The following ZBTB20 variants were observed in gnomAD, a reference collection of about 807,000 sequenced individuals.
ZBTB20 encodes the protein zinc finger and BTB domain-containing protein 20.
Under a neutral mutation model 56.9 loss-of-function variants are expected in ZBTB20, and 9 were observed. That is an observed-to-expected ratio of 0.16 (90% confidence interval 0.10 to 0.28). The LOEUF is 0.28. Ranked by LOEUF, ZBTB20 falls within the 10% of genes least tolerant of loss-of-function variation. The pLI is 1.00. For synonymous variants in ZBTB20, 417 were observed against 420.7 expected, an observed-to-expected ratio of 0.99 and a Z score of 0.11; for missense variants, 655 against 1,003.0, an observed-to-expected ratio of 0.65 and a Z score of 4.69.
At chr3:114,954,167 T>C (rs1281130159) in intron 3 of ZBTB20, among the ~76,000 whole-genome samples, 1 of 152,178 alleles carries the variant, frequency 6.6e-6, no homozygotes, top group African/African-American at 2.4e-5. Flanking sequence ...CCAAATAGTT[T>C]TGACTTCAGT....
chr3:114,370,806 G>C (rs7626635), intron 10 of ZBTB20, among the ~76,000 whole-genome samples: 56,564 of 151,934 alleles, frequency 0.37, 10,935 homozygotes, highest in Non-Finnish European at 0.42. Context: ...GCTCATACTC[G>C]GCACTATATA....
intron 7 of ZBTB20, among the ~76,000 whole-genome samples, chr3:114,485,237 C>T (rs375813853): frequency 6.6e-5 from 10 of 152,162 alleles, no homozygotes; most frequent in Non-Finnish European, 1.2e-4. Flanking sequence ...AATACTTTTG[C>T]GAAGAAATGA....
chr3:114,849,936 G>T (rs1420959742), intron 4 of ZBTB20, among the ~76,000 whole-genome samples: 1 of 120,636 alleles, frequency 8.3e-6, no homozygotes, highest in African/African-American at 3.2e-5. Flanking sequence ...GTCTTGCTCT[G>T]CTGCCCAGGT....
intron 5 of ZBTB20, among the ~76,000 whole-genome samples, chr3:114,797,567 A>G (rs554888046): frequency 1.3e-5 from 2 of 152,066 alleles, no homozygotes; most frequent in South Asian, 2.1e-4. Flanking sequence ...ATAAATTATG[A>G]ATTCCTTAAT....
At position 114,399,696 on chromosome 3, in the gene ZBTB20, T is replaced by A. The variant is rs371410059; in HGVS notation, c.-254-10591A>T. Among the ~76,000 whole-genome samples the A allele has an allele frequency of 3.3e-5, 5 of 152,268 alleles. No homozygotes were observed. The East Asian group carries it at 7.7e-4, about 24-fold the overall frequency. Reference sequence around the variant, plus strand: ...GTGTAACAGGCCACCGGGGCAAGACTGCTATTTTCTGAGAGCCATGGGCAG... The same window carrying A: ...GTGTAACAGGCCACCGGGGCAAGACAGCTATTTTCTGAGAGCCATGGGCAG... On this transcript the variant is annotated intron_variant, in intron 7 of 11. Coordinates refer to ENST00000675478, the MANE Select transcript of ZBTB20 (RefSeq NM_001348800.3).
At chr3:114,441,080 G>T (rs2090890048) in intron 7 of ZBTB20, among the ~76,000 whole-genome samples, 1 of 151,972 alleles carries the variant, frequency 6.6e-6, no homozygotes, top group Non-Finnish European at 1.5e-5. Flanking sequence ...TCGATTATTT[G>T]TGTGACTAAA....
intron 3 of ZBTB20, among the ~76,000 whole-genome samples, chr3:114,925,354 C>T (rs899252036): frequency 1.3e-5 from 2 of 151,986 alleles, no homozygotes; most frequent in African/African-American, 4.8e-5. Flanking sequence ...AACCATATTC[C>T]CTTTCATCTC....
At chr3:114,636,375 T>C (rs1481772524) in intron 6 of ZBTB20, among the ~76,000 whole-genome samples, 1 of 152,104 alleles carries the variant, frequency 6.6e-6, no homozygotes, top group African/African-American at 2.4e-5. Context: ...GTCAAGTATA[T>C]AGTCAAATAC....
intron 3 of ZBTB20, among the ~76,000 whole-genome samples, chr3:114,953,764 T>G (rs2077155609): frequency 6.6e-6 from 1 of 152,060 alleles, no homozygotes; most frequent in African/African-American, 2.4e-5. Flanking sequence ...CAATTATATT[T>G]GGAGATATCA....
chr3:114,629,756 G>T (rs1246231019), intron 6 of ZBTB20, among the ~76,000 whole-genome samples: 1 of 152,156 alleles, frequency 6.6e-6, no homozygotes, highest in Non-Finnish European at 1.5e-5. Context: ...TTTGGATACA[G>T]AGACCATATA....
At chr3:114,421,803 A>G (rs1389862315) in intron 7 of ZBTB20, among the ~76,000 whole-genome samples, 1 of 69,376 alleles carries the variant, frequency 1.4e-5, no homozygotes, top group Non-Finnish European at 3.6e-5. Context: ...TTTTAAGACT[A>G]CAGATTTTTT....
At chr3:114,484,394 T>A (rs1577024049) in intron 7 of ZBTB20, among the ~76,000 whole-genome samples, 2 of 152,150 alleles carry the variant, frequency 1.3e-5, no homozygotes, top group South Asian at 4.1e-4. Context: ...AGAGCGAGAC[T>A]TTGTCATTCG....
At chr3:114,380,109 G>C in intron 10 of ZBTB20, 108 bp downstream of exon 10, 1 of 1,234,810 alleles carries the variant, frequency 8.1e-7, no homozygotes, top group Non-Finnish European at 1.1e-6. Flanking sequence ...GGCTGCTTTA[G>C]AAGACCAAAT....
chr3:114,553,707 C>A (rs1346963884), intron 6 of ZBTB20, among the ~76,000 whole-genome samples: 2 of 152,140 alleles, frequency 1.3e-5, no homozygotes, highest in East Asian at 1.9e-4. Flanking sequence ...AAAGTCTATA[C>A]TTCTATAATT....
At chr3:114,994,770 A>G (rs2078958555) in intron 2 of ZBTB20, among the ~76,000 whole-genome samples, 1 of 151,886 alleles carries the variant, frequency 6.6e-6, no homozygotes, top group Non-Finnish European at 1.5e-5. Flanking sequence ...TTTCTATGAC[A>G]GCAACCACAA....
Position 114,909,794 on chromosome 3 carries a change from T to C in ZBTB20, c.-455-9452A>G, listed in dbSNP as rs143517105. Among the ~76,000 whole-genome samples the C allele has an allele frequency of 5.8e-3, 882 of 152,040 alleles. 13 individuals carry two copies. Among genetic ancestry groups the C allele is most frequent in the African/African-American group, 0.02 (842 of 41,508 alleles). On this transcript the variant is annotated intron_variant, in intron 3 of 11. Transcript: ENST00000675478. ...TGACTATATATCAAAACTCATGCAA[T>C]GCAGCTAAACAGTCTTAGGGAGCAA...
intron 6 of ZBTB20, among the ~76,000 whole-genome samples, chr3:114,633,584 C>G (rs1253578887): frequency 1.3e-5 from 2 of 152,124 alleles, no homozygotes; most frequent in Non-Finnish European, 2.9e-5. Context: ...AATGAGAGTT[C>G]CTGGATTTTT....
chr3:114,930,346 A>G (rs1280482181), intron 3 of ZBTB20, among the ~76,000 whole-genome samples: 2 of 152,224 alleles, frequency 1.3e-5, no homozygotes, highest in African/African-American at 4.8e-5. Flanking sequence ...AAAAAGGGAA[A>G]TAATATTCCC....
At chr3:115,039,128 T>G (rs899004220) in intron 2 of ZBTB20, among the ~76,000 whole-genome samples, 2 of 151,974 alleles carry the variant, frequency 1.3e-5, no homozygotes, top group Admixed American at 1.3e-4. Context: ...AGAATAACAG[T>G]ATCTAGAATG....
Sources: allele counts gnomAD v4.1 joint callset (sites outside exome capture counted in the v4.1 genomes callset), GRCh38; gene constraint gnomAD v4.1.1; transcripts MANE v1.5; gene names NCBI Gene and HGNC (gene_info 2026-07-23, HGNC 2026-07-21).